NLRP7: variants seen among roughly 807,000 people sequenced by gnomAD.
NLRP7 encodes NLR family pyrin domain containing 7.
Under a neutral mutation model 85.5 loss-of-function variants are expected in NLRP7, and 72 were observed. The observed-to-expected ratio is 0.84, with a 90% CI of 0.70 to 1.02. The LOEUF is 1.02. Among genes scored for constraint, NLRP7 ranks in the 50% least tolerant of loss-of-function variants. The probability of loss-of-function intolerance (pLI) is 0.00; values close to 1 mark genes in which losing one functional copy is unlikely to be tolerated. For missense variants in NLRP7, 1,243 were observed against 1,219.5 expected (o/e 1.02, Z -0.29); for synonymous variants, 550 against 505.2 (o/e 1.09, Z -1.19).
intron 9 of NLRP7, among the ~76,000 whole-genome samples, chr19:54,926,227 T>TGTGTGTGTGTGC (rs372128868): frequency 1.3e-3 from 197 of 150,838 alleles, no homozygotes; most frequent in East Asian, 5.0e-3. Context: ...TGTGTGTGTG[T>TGTGTGTGTGTGC]GCTCATGCAC....
intron 1 of NLRP7, among the ~76,000 whole-genome samples, chr19:54,946,214 T>A (rs2069467201): frequency 7.5e-6 from 1 of 132,750 alleles, no homozygotes; most frequent in Non-Finnish European, 1.6e-5. Flanking sequence ...GCCATTTACA[T>A]TTTTTTTTTT....
upstream of NLRP7, chr19:54,948,741 T>C (rs1410937246): frequency 6.6e-6 from 1 of 152,144 alleles, no homozygotes; most frequent in Non-Finnish European, 1.5e-5. Context: ...AACTAATTTT[T>C]TGTATTTTTA....
chr19:54,924,658 GT>G (rs1437096025), intron 9 of NLRP7, among the ~76,000 whole-genome samples: 1 of 151,624 alleles, frequency 6.6e-6, no homozygotes, highest in Non-Finnish European at 1.5e-5. Context: ...AATCAGGCTG[GT>G]GCACGGTGAC....
chr19:54,927,569 CAAAAA>C, intron 9 of NLRP7, 31 bp downstream of exon 10: 1 of 1,532,382 alleles, frequency 6.5e-7, no homozygotes, highest in South Asian at 1.2e-5. Context: ...AAAACAAAAA[CAAAAA>C]ACAAAACAAA....
chr19:54,936,258 C>T lies in NLRP7; in HGVS notation c.2300+3G>A, dbSNP rs768975444. On this transcript the variant is annotated splice_donor_region_variant and intron_variant, in intron 6 of 9. Coordinates refer to ENST00000340844, the Ensembl canonical transcript of NLRP7. ...TGGGGAGAGCCGTGACCGTGAGACC[C>T]ACCTCAGGTACTGCAGGTTGCATTT... 1.9e-6 allele frequency: 3 copies of T among 1,612,396 alleles called. No individual in the cohort carries two copies. Among genetic ancestry groups the T allele is most frequent in the Non-Finnish European group, 2.5e-6 (3 of 1,179,526 alleles).
At position 54,934,488 on chromosome 19, in the gene NLRP7, C is replaced by T. The variant is rs104895505; in HGVS notation, c.2471+1G>A. 66 of 1,613,898 alleles carry T rather than the reference C, an allele frequency of 4.1e-5. No homozygotes were observed. The highest frequency in any genetic ancestry group is 1.2e-4 in the South Asian group (11 of 91,080). On this transcript the variant is annotated splice_donor_variant, in intron 7 of 9. Transcript: ENST00000340844. LOFTEE classifies it high-confidence loss of function. This position sits in a 1 kb window ranked among gnomAD's most constrained non-coding sequence, Gnocchi z 6.7. ...GCTGCCCATGGGAAGAGGAGACTTA[C>T]GACAACATCTGCAGGAAGTGTTTTG...
intron 1 of NLRP7, among the ~76,000 whole-genome samples, chr19:54,954,477 C>G (rs2069784653): frequency 7.4e-6 from 1 of 135,844 alleles, no homozygotes; most frequent in African/African-American, 2.8e-5. Context: ...TTGCAGTGAG[C>G]CGAGATAGTG....
intron 9 of NLRP7, among the ~76,000 whole-genome samples, chr19:54,928,511 A>G (rs1389448498): frequency 6.6e-6 from 1 of 152,210 alleles, no homozygotes; most frequent in South Asian, 2.1e-4. Context: ...GACAGCAGAC[A>G]TCTCGATATG....
At chr19:54,933,215 G>A (rs567253256) in intron 8 of NLRP7, among the ~76,000 whole-genome samples, 8 of 151,954 alleles carry the variant, frequency 5.3e-5, no homozygotes, top group South Asian at 2.1e-4. Context: ...GTGCGATCTC[G>A]GCTCACTGCA....
chr19:54,962,652 T>G (rs2070089479), intron 1 of NLRP7, among the ~76,000 whole-genome samples: 1 of 150,998 alleles, frequency 6.6e-6, no homozygotes. Flanking sequence ...CAGGCTGGAG[T>G]GCAGTGGCGC....
intron 2 of NLRP7, 76 bp downstream of exon 2, chr19:54,941,359 G>A: frequency 9.3e-7 from 1 of 1,072,302 alleles, no homozygotes; most frequent in Non-Finnish European, 1.4e-6. Flanking sequence ...TCCAGCCTGG[G>A]CGACAGAACG....
At chr19:54,936,501 A>T (rs2068935658) in intron 5 of NLRP7, 70 bp from the exon 6 acceptor site, 1 of 1,325,564 alleles carries the variant, frequency 7.5e-7, no homozygotes, top group African/African-American at 1.4e-5. Context: ...ATGTATAAAC[A>T]AAAAGCTGTT....
intron 9 of NLRP7, among the ~76,000 whole-genome samples, chr19:54,929,160 G>A (rs1215249637): frequency 6.6e-6 from 1 of 152,060 alleles, no homozygotes; most frequent in Non-Finnish European, 1.5e-5. Flanking sequence ...CTTGAGGTCA[G>A]GAGTTTGAGA....
intron 8 of NLRP7, 141 bp from the exon 9 acceptor site, chr19:54,930,807 C>T (rs1260231814): frequency 2.7e-6 from 2 of 734,884 alleles, no homozygotes; most frequent in Non-Finnish European, 4.8e-6. Flanking sequence ...CCTCTGCCTC[C>T]CAGGTTCAAG....
rs1434270760 is a variant in NLRP7, at chr19:54,934,642, G to T, written c.2318C>A (p.Ala773Asp). The T allele has an allele frequency of 6.2e-7, 1 of 1,613,354 alleles. No homozygotes were observed. Among genetic ancestry groups the T allele is most frequent in the African/African-American group, 1.3e-5 (1 of 74,884 alleles). ...GAATTCAGCCCACTGCTCCGGGGTG[G>T]CACAGTGACCTCCCAACCTGTGAAA... The change falls in exon 7 of 10, where the codon GCC becomes GAC. Residue 773 changes from alanine (A) to aspartate (D), a missense_variant. Ala to Asp is a moderately radical substitution (Grantham distance 126). Coordinates refer to ENST00000340844, the Ensembl canonical transcript of NLRP7. The surrounding 1 kb of genome is among the most constrained non-coding windows in gnomAD (Gnocchi z 6.7).
At chr19:54,936,378 A>G (rs1392621778) in exon 6 of NLRP7, 3 of 1,613,944 alleles carry the variant, frequency 1.9e-6, no homozygotes, top group East Asian at 2.2e-5. Flanking sequence ...CTTCTTCCCA[A>G]TGAAAGCAAG....
chr19:54,949,352 G>A (rs918916939), upstream of NLRP7, among the ~76,000 whole-genome samples: 1 of 151,786 alleles, frequency 6.6e-6, no homozygotes, highest in Non-Finnish European at 1.5e-5. Context: ...GAGGCGGGAG[G>A]ACTGCCTGAG....
At chr19:54,964,381 TA>T (rs1172817543) in intron 1 of NLRP7, among the ~76,000 whole-genome samples, 1 of 150,636 alleles carries the variant, frequency 6.6e-6, no homozygotes, top group African/African-American at 2.4e-5. Flanking sequence ...CACGCCCGGC[TA>T]ATTTTTTGTA....
intron 1 of NLRP7, among the ~76,000 whole-genome samples, chr19:54,962,697 T>G (rs865998218): frequency 2.0e-5 from 3 of 151,776 alleles, no homozygotes; most frequent in Middle Eastern, 3.4e-3. Context: ...CCTCCCGGGT[T>G]CACGCCATTC....
Sources: allele counts gnomAD v4.1 joint callset (sites outside exome capture counted in the v4.1 genomes callset), GRCh38; gene constraint gnomAD v4.1.1; non-coding constraint Gnocchi (gnomAD v3.1); transcripts MANE v1.5; gene names NCBI Gene and HGNC (gene_info 2026-07-23, HGNC 2026-07-21).